Variants in RALGPS1 observed in about 807,000 individuals in gnomAD.
The protein encoded by RALGPS1 is ras-specific guanine nucleotide-releasing factor RalGPS1.
In RALGPS1, 19 loss-of-function variants were observed where a neutral mutation model predicts 78.8. The observed-to-expected ratio is 0.24, with a 90% CI of 0.17 to 0.35. The LOEUF is 0.35. Ranked by LOEUF, RALGPS1 falls within the 10% of genes least tolerant of loss-of-function variation. RALGPS1 has a pLI of 1.00. For missense variants in RALGPS1, 454 were observed against 688.3 expected (o/e 0.66, Z 3.81); for synonymous variants, 228 against 256.3 (o/e 0.89, Z 1.06).
At chr9:127,124,037 G>T (rs934081054) in intron 8 of RALGPS1, among the ~76,000 whole-genome samples, 1 of 152,144 alleles carries the variant, frequency 6.6e-6, no homozygotes, top group East Asian at 1.9e-4. Context: ...CTACTACCAG[G>T]CACCCGTCCC....
In RALGPS1 at chr9:127,212,395, C is replaced by A. The variant is rs545634623; in HGVS notation, c.1353+159C>A. ...CTCTCAGGAATTATACCTGACACTGCCGTAAAATGAACAAAGGGAAGGCTC... is the reference window on the plus strand; with the variant it reads ...CTCTCAGGAATTATACCTGACACTGACGTAAAATGAACAAAGGGAAGGCTC... On this transcript the variant is annotated intron_variant, in intron 15 of 18. Coordinates refer to ENST00000259351, the MANE Select transcript of RALGPS1 (RefSeq NM_014636.3). This position sits in a 1 kb window ranked among gnomAD's most constrained non-coding sequence, Gnocchi z 6.0. 6.6e-6 allele frequency among the ~76,000 whole-genome samples: 1 copy of A among 152,138 alleles called. No homozygotes were observed. The highest frequency in any genetic ancestry group is 1.5e-5 in the Non-Finnish European group (1 of 68,016).
At chr9:127,069,407 A>G in intron 8 of RALGPS1, 51 bp downstream of exon 8, 1 of 1,593,400 alleles carries the variant, frequency 6.3e-7, no homozygotes, top group Non-Finnish European at 8.6e-7. Context: ...CTCGGTGCCA[A>G]ATAAGATGTT....
chr9:126,967,383 C>T (rs1210548513), intron 3 of RALGPS1, among the ~76,000 whole-genome samples: 1 of 152,188 alleles, frequency 6.6e-6, no homozygotes, highest in Non-Finnish European at 1.5e-5. Flanking sequence ...TTTCAGTCTT[C>T]ATGGCTCTTC....
chr9:127,108,770 T>C (rs778578731), intron 8 of RALGPS1: 4 of 1,559,354 alleles, frequency 2.6e-6, no homozygotes, highest in Non-Finnish European at 3.5e-6. Context: ...GTGAATAGAA[T>C]CTATGAAAGC....
intron 4 of RALGPS1, among the ~76,000 whole-genome samples, chr9:126,994,965 C>T (rs1222650357): frequency 6.6e-6 from 1 of 152,184 alleles, no homozygotes; most frequent in Non-Finnish European, 1.5e-5. Context: ...AAACACTTTA[C>T]AGACAAGCAA....
chr9:126,998,435 A>G (rs535637276), intron 4 of RALGPS1, among the ~76,000 whole-genome samples: 2 of 152,390 alleles, frequency 1.3e-5, no homozygotes, highest in South Asian at 2.1e-4. Context: ...ATCACTGGCC[A>G]TCAGAGCAAT....
chr9:126,961,866 A>G (rs1175837257), intron 1 of RALGPS1, among the ~76,000 whole-genome samples: 3 of 152,184 alleles, frequency 2.0e-5, no homozygotes, highest in Non-Finnish European at 4.4e-5. Flanking sequence ...ATGGTCGCAC[A>G]AGCTAACTGG....
At chr9:127,191,700 G>GTTTTTTTTTTTT (rs11375987) in intron 11 of RALGPS1, among the ~76,000 whole-genome samples, 14 of 125,530 alleles carry the variant, frequency 1.1e-4, no homozygotes, top group East Asian at 2.3e-4. Flanking sequence ...GTTTTTTTTT[G>GTTTTTTTTTTTT]TTTTTTTTTT....
intron 8 of RALGPS1, chr9:127,093,976 CGCACCCCCAGCT>C (rs1230120741): frequency 7.0e-6 from 11 of 1,578,848 alleles, no homozygotes; most frequent in Non-Finnish European, 9.5e-6. Flanking sequence ...GTCACCAGGC[CGCACCCCCAGCT>C]GCACCCCAAG....
chr9:127,169,695 G>A (rs4836560), intron 10 of RALGPS1, among the ~76,000 whole-genome samples: 68,734 of 151,912 alleles, frequency 0.45, 16,237 homozygotes, highest in South Asian at 0.64. Flanking sequence ...ACAGTGGTGC[G>A]AAAGCAACGC....
rs2061353905 is a variant in RALGPS1 at position 127,196,486 on chromosome 9, G to A, written c.1050G>A (p.Gln350=). 3.1e-6 allele frequency: 5 copies of A among 1,612,614 alleles called. No individual in the cohort carries two copies. The highest frequency in any genetic ancestry group is 4.2e-6 in the Non-Finnish European group (5 of 1,179,334). Residue 350 remains glutamine (Q), a synonymous_variant, in exon 13 of 19, where the codon CAG becomes CAA. Transcript: ENST00000259351. ...TTCCATTTTCCAGTATGATGTGTCA[G>A]TTGAGTGTAGTTGAGAGTAAAAGTG... ...SHSLGNNMMC[Q]LSVVESKSAT... is the part of the protein sequence containing the mutation.
intron 8 of RALGPS1, among the ~76,000 whole-genome samples, chr9:127,093,288 A>G (rs1224880780): frequency 3.3e-5 from 5 of 151,786 alleles, no homozygotes; most frequent in East Asian, 1.9e-4. Flanking sequence ...CATTGCCACA[A>G]CTCCCTACCA....
chr9:126,996,275 T>C (rs1350157297), intron 4 of RALGPS1, among the ~76,000 whole-genome samples: 1 of 152,092 alleles, frequency 6.6e-6, no homozygotes, highest in Non-Finnish European at 1.5e-5. Context: ...ACAAAATTGA[T>C]AGACTGCTAG....
rs1281539338 is a variant in RALGPS1, at chr9:126,918,681, T to G, written c.-66+3706T>G. Among the ~76,000 whole-genome samples, 3 of 151,114 alleles carry G rather than the reference T, an allele frequency of 2.0e-5. No individual in the cohort carries two copies. In the East Asian group the frequency reaches 5.8e-4, roughly 29 times the overall value. The stretch of plus-strand genomic sequence containing the variant: ...AAAAAAATCACACATGGATTTTTTT[T>G]TTTTTTTTGAGACAGAGTTTCACTC... On this transcript the variant is annotated intron_variant, in intron 1 of 18. Transcript: ENST00000259351.
intron 18 of RALGPS1, chr9:127,216,952 T>G (rs1588621583): frequency 6.5e-7 from 1 of 1,547,418 alleles, no homozygotes; most frequent in Non-Finnish European, 8.7e-7. Flanking sequence ...AGCCACGAGG[T>G]GGACCACCTG....
At chr9:126,918,693 A>G (rs2034436923) in intron 1 of RALGPS1, among the ~76,000 whole-genome samples, 1 of 143,338 alleles carries the variant, frequency 7.0e-6, no homozygotes, top group Admixed American at 6.9e-5. Flanking sequence ...TTTTTTTGAG[A>G]CAGAGTTTCA....
chr9:127,216,884 G>A, intron 18 of RALGPS1: 1 of 1,525,328 alleles, frequency 6.6e-7, no homozygotes. Flanking sequence ...ATAGCACACT[G>A]AAGCTCCCCT....
rs1163116649 is a variant in RALGPS1 at position 127,000,534 on chromosome 9, C to CTTTTTTTTTTTTTTTTTTTTT, written c.216+22800_216+22820dup. Among the ~76,000 whole-genome samples, 3 of 33,338 alleles carry CTTTTTTTTTTTTTTTTTTTTT rather than the reference C, an allele frequency of 9.0e-5. 1 individual carries two copies. Among genetic ancestry groups the CTTTTTTTTTTTTTTTTTTTTT allele is most frequent in the Admixed American group, 4.2e-4 (1 of 2,362 alleles). 21.9% of individuals were successfully genotyped at this position (33,338 alleles called of 152,430 possible). ...TCCTGCTATTGATTTCTTGTCTTGT[C>CTTTTTTTTTTTTTTTTTTTTT]TTTTTTTTTTTTTTTTTTTTTTTTT... On this transcript the variant is annotated intron_variant, in intron 4 of 18. Coordinates refer to ENST00000259351, the MANE Select transcript of RALGPS1 (RefSeq NM_014636.3).
chr9:127,138,400 G>A (rs2057542131), intron 8 of RALGPS1, among the ~76,000 whole-genome samples: 1 of 152,178 alleles, frequency 6.6e-6, no homozygotes, highest in African/African-American at 2.4e-5. Flanking sequence ...TGGCCATCAA[G>A]CCACCAGTGA....
Sources: allele counts gnomAD v4.1 joint callset (sites outside exome capture counted in the v4.1 genomes callset), GRCh38; gene constraint gnomAD v4.1.1; non-coding constraint Gnocchi (gnomAD v3.1); transcripts MANE v1.5; gene names NCBI Gene and HGNC (gene_info 2026-07-23, HGNC 2026-07-21).